Variants in GLRA2 observed in about 807,000 individuals in gnomAD.
The protein encoded by GLRA2 is glycine receptor alpha 2.
Under a neutral mutation model 31.6 loss-of-function variants are expected in GLRA2, and 11 were observed. The observed-to-expected ratio is 0.35, with a 90% CI of 0.22 to 0.58. The LOEUF is 0.58. GLRA2 is among the 20% of genes least tolerant of loss of function. The pLI, the probability that GLRA2 is intolerant of heterozygous loss-of-function variation, is 0.84. For missense variants in GLRA2, 212 were observed against 351.8 expected (o/e 0.60, Z 3.18); for synonymous variants, 132 against 134.0 (o/e 0.99, Z 0.10).
chrX:14,458,972 C>G, the GLRA2 span, among the ~76,000 whole-genome samples: 1 of 111,483 alleles, frequency 9.0e-6, no homozygotes. Flanking sequence ...AATGGTATTG[C>G]CTAGGTTTTC....
intron 7 of GLRA2, among the ~76,000 whole-genome samples, chrX:14,644,109 G>A (rs1156852816): frequency 1.8e-5 from 2 of 111,598 alleles, no homozygotes; most frequent in African/African-American, 6.5e-5. Context: ...CTTGGGCTCT[G>A]CTTTCCATGA....
At chrX:14,493,673 A>G in the GLRA2 span, among the ~76,000 whole-genome samples, 1 of 97,901 alleles carries the variant, frequency 1.0e-5, no homozygotes, top group African/African-American at 4.1e-5. Flanking sequence ...ATATATGTAT[A>G]CATGTGTATA....
chrX:14,729,506 T>C (rs1166861947), intron 8 of GLRA2, among the ~76,000 whole-genome samples: 1 of 111,839 alleles, frequency 8.9e-6, no homozygotes, highest in Non-Finnish European at 1.9e-5. Flanking sequence ...ATCATACAAA[T>C]ATCACTGACA....
At chrX:14,663,966 TTTC>T (rs1425260445) in intron 7 of GLRA2, among the ~76,000 whole-genome samples, 3 of 111,662 alleles carry the variant, frequency 2.7e-5, no homozygotes, top group African/African-American at 9.7e-5. Context: ...ATTTTCTCTC[TTTC>T]TTGATTAGTC....
chrX:14,474,986 T>G, the GLRA2 span, among the ~76,000 whole-genome samples: 1 of 111,889 alleles, frequency 8.9e-6, no homozygotes, highest in Non-Finnish European at 1.9e-5. Flanking sequence ...CTTGTTGCAA[T>G]CTACCACACA....
At chrX:14,607,580 G>T (rs1188812539) in intron 6 of GLRA2, among the ~76,000 whole-genome samples, 2 of 111,546 alleles carry the variant, frequency 1.8e-5, no homozygotes, top group Admixed American at 1.9e-4. Flanking sequence ...AACCTCATTA[G>T]TGGTGCAGAA....
intron 7 of GLRA2, among the ~76,000 whole-genome samples, chrX:14,657,972 T>A (rs1246969438): frequency 9.0e-6 from 1 of 111,686 alleles, no homozygotes; most frequent in African/African-American, 3.3e-5. Flanking sequence ...TCGATCCCCC[T>A]TCTGTATTAG....
At chrX:14,668,787 C>T (rs747577954) in intron 7 of GLRA2, among the ~76,000 whole-genome samples, 6 of 111,839 alleles carry the variant, frequency 5.4e-5, no homozygotes, top group African/African-American at 9.8e-5. Context: ...TCCCACAACA[C>T]GTGGAAATTC....
intron 2 of GLRA2, among the ~76,000 whole-genome samples, chrX:14,544,826 T>C (rs924287054): frequency 2.3e-4 from 26 of 111,656 alleles, no homozygotes; most frequent in Admixed American, 2.3e-3. Flanking sequence ...TTTAAATTAC[T>C]AGTTCCTCCT....
chrX:14,505,171 CAG>C, the GLRA2 span, among the ~76,000 whole-genome samples: 1 of 111,930 alleles, frequency 8.9e-6, no homozygotes, highest in Admixed American at 9.5e-5. Flanking sequence ...GGTCAGGAAA[CAG>C]AAATTAGGAA....
the GLRA2 span, among the ~76,000 whole-genome samples, chrX:14,521,753 T>G: frequency 1.2e-4 from 13 of 112,357 alleles, no homozygotes; most frequent in South Asian, 1.5e-3. Context: ...TCATACAAAT[T>G]TTTTGGTTTC....
intron 7 of GLRA2, 87 bp downstream of exon 7, chrX:14,609,292 GC>G: frequency 1.8e-6 from 1 of 551,466 alleles, no homozygotes. Context: ...AGAAATGTTG[GC>G]CACCCTATGA....
At chrX:14,718,195 C>T (rs1027330805) in intron 8 of GLRA2, among the ~76,000 whole-genome samples, 2 of 111,311 alleles carry the variant, frequency 1.8e-5, no homozygotes, top group Admixed American at 1.9e-4. Flanking sequence ...ATACAGGCAG[C>T]TCACTGCACA....
chrX:14,543,495 A>G (rs1386793307), intron 2 of GLRA2, among the ~76,000 whole-genome samples: 4 of 111,133 alleles, frequency 3.6e-5, no homozygotes, highest in African/African-American at 1.3e-4. Flanking sequence ...TTCATTCAGA[A>G]TTGTTATTGC....
the GLRA2 span, among the ~76,000 whole-genome samples, chrX:14,497,272 G>A: frequency 9.0e-6 from 1 of 111,599 alleles, no homozygotes; most frequent in African/African-American, 3.3e-5. Flanking sequence ...TGATAACCAG[G>A]GCAACTTGAT....
At chrX:14,493,568 T>TACATATATAC in the GLRA2 span, among the ~76,000 whole-genome samples, 1 of 104,137 alleles carries the variant, frequency 9.6e-6, no homozygotes, top group African/African-American at 3.5e-5. Flanking sequence ...TACACATATA[T>TACATATATAC]ACATATATAC....
chrX:14,704,251 G>T (rs1222186802), intron 8 of GLRA2, among the ~76,000 whole-genome samples: 1 of 112,543 alleles, frequency 8.9e-6, no homozygotes, highest in Non-Finnish European at 1.9e-5. Flanking sequence ...TTATGTCCCT[G>T]AAATCAAGCC....
intron 7 of GLRA2, among the ~76,000 whole-genome samples, chrX:14,675,988 T>C (rs1227430981): frequency 8.9e-6 from 1 of 112,388 alleles, no homozygotes; most frequent in Non-Finnish European, 1.9e-5. Context: ...TGGTATACTT[T>C]ATAGCACTCA....
chrX:14,593,790 G>A (rs755988049), intron 4 of GLRA2, among the ~76,000 whole-genome samples: 1 of 112,853 alleles, frequency 8.9e-6, no homozygotes, highest in Non-Finnish European at 1.9e-5. Flanking sequence ...TAACACATAC[G>A]TATGGACATA....
Sources: gnomAD v4.1 joint callset for allele counts (sites outside exome capture counted in the v4.1 genomes callset) on GRCh38, gnomAD v4.1.1 for gene constraint, MANE v1.5 for transcripts, NCBI Gene and HGNC (gene_info 2026-07-23, HGNC 2026-07-21) for gene names.